LDLRAD3: variants seen among roughly 807,000 people sequenced by gnomAD.
The protein encoded by LDLRAD3 is low density lipoprotein receptor class A domain containing 3, also known as low-density lipoprotein receptor class A domain-containing protein 3.
In LDLRAD3, 20 loss-of-function variants were observed where a neutral mutation model predicts 29.4. The observed-to-expected ratio is 0.68, with a 90% CI of 0.48 to 0.99. The LOEUF is 0.99. Ranked by LOEUF, LDLRAD3 falls within the 50% of genes least tolerant of loss-of-function variation. LDLRAD3 has a pLI of 0.00. For missense variants in LDLRAD3, 420 were observed against 454.3 expected, an observed-to-expected ratio of 0.92 and a Z score of 0.69; for synonymous variants, 157 against 192.7, an observed-to-expected ratio of 0.81 and a Z score of 1.53.
chr11:35,975,326 T>C (rs1401675702), intron 1 of LDLRAD3, among the ~76,000 whole-genome samples: 2 of 152,324 alleles, frequency 1.3e-5, no homozygotes, highest in Non-Finnish European at 2.9e-5. Context: ...AACTTGAAGA[T>C]GTTGTCCTAG....
chr11:36,074,807 G>T (rs541441654), intron 2 of LDLRAD3, among the ~76,000 whole-genome samples: 1 of 152,330 alleles, frequency 6.6e-6, no homozygotes, highest in East Asian at 1.9e-4. Context: ...TGGCTGGAGA[G>T]CTGGCAGAGG....
At chr11:35,997,367 A>G in intron 1 of LDLRAD3, 2 of 462,130 alleles carry the variant, frequency 4.3e-6, no homozygotes, top group South Asian at 1.7e-5. Flanking sequence ...ATCAAAAGTG[A>G]TATTTCCATT....
chr11:36,169,969 C>T (rs1010048917), intron 4 of LDLRAD3, among the ~76,000 whole-genome samples: 2 of 151,986 alleles, frequency 1.3e-5, no homozygotes, highest in African/African-American at 2.4e-5. Context: ...ACCTATCACC[C>T]GAGCAATGTA....
At chr11:36,060,353 CAAAAAA>C (rs60557347) in intron 2 of LDLRAD3, among the ~76,000 whole-genome samples, 1 of 73,554 alleles carries the variant, frequency 1.4e-5, no homozygotes, top group Non-Finnish European at 2.8e-5. Context: ...GACTCTGTCT[CAAAAAA>C]AAAAAAAAAA....
rs536775919 is a variant in LDLRAD3, at chr11:36,110,621, G to C, written c.454+12160G>C. Among the ~76,000 whole-genome samples, 119 of 152,242 alleles carry C rather than the reference G, an allele frequency of 7.8e-4. 1 individual carries two copies. The highest frequency in any genetic ancestry group is 2.8e-3 in the African/African-American group (116 of 41,540). ...ACCCCCAACACCCTTTGACTCTCTT[G>C]GGTCTTTCTAACATTCGTTCATGCA... On this transcript the variant is annotated intron_variant, in intron 4 of 5. Coordinates refer to ENST00000315571, the MANE Select transcript of LDLRAD3 (RefSeq NM_174902.4).
At chr11:35,973,308 C>G (rs1229288860) in intron 1 of LDLRAD3, among the ~76,000 whole-genome samples, 1 of 152,144 alleles carries the variant, frequency 6.6e-6, no homozygotes, top group East Asian at 1.9e-4. Flanking sequence ...TTATTTCACT[C>G]TAAGCTCCTA....
intron 4 of LDLRAD3, among the ~76,000 whole-genome samples, chr11:36,215,747 G>C (rs1193332195): frequency 6.6e-6 from 1 of 152,144 alleles, no homozygotes; most frequent in African/African-American, 2.4e-5. Flanking sequence ...CCCCTTGGGA[G>C]CCCTGCTTAC....
chr11:36,190,881 A>G (rs986102247), intron 4 of LDLRAD3, among the ~76,000 whole-genome samples: 10 of 152,340 alleles, frequency 6.6e-5, no homozygotes, highest in African/African-American at 2.2e-4. Flanking sequence ...AGGTTCAAGA[A>G]TCAAAATGGT....
chr11:35,949,360 C>T (rs1217968424), intron 1 of LDLRAD3, among the ~76,000 whole-genome samples: 2 of 152,154 alleles, frequency 1.3e-5, no homozygotes, highest in African/African-American at 2.4e-5. Context: ...TTCAGCAGCC[C>T]TGAGGGAGGG....
intron 1 of LDLRAD3, among the ~76,000 whole-genome samples, chr11:35,947,885 A>G (rs1851078788): frequency 6.6e-6 from 1 of 152,166 alleles, no homozygotes; most frequent in Admixed American, 6.5e-5. Flanking sequence ...CCCCCTCCCC[A>G]AATCTGTTCA....
chr11:36,026,152 C>T (rs1243689628), intron 1 of LDLRAD3, among the ~76,000 whole-genome samples: 3 of 152,088 alleles, frequency 2.0e-5, no homozygotes. Context: ...ATTTTTTAAA[C>T]AGGATGTAGG....
intron 4 of LDLRAD3, among the ~76,000 whole-genome samples, chr11:36,134,977 C>G (rs908317070): frequency 6.6e-6 from 1 of 152,104 alleles, no homozygotes; most frequent in African/African-American, 2.4e-5. Context: ...ACTCTTATGT[C>G]CCCAGTTCTC....
At chr11:36,010,425 A>G (rs1258794507) in intron 1 of LDLRAD3, among the ~76,000 whole-genome samples, 1 of 152,162 alleles carries the variant, frequency 6.6e-6, no homozygotes, top group East Asian at 1.9e-4. Flanking sequence ...TTGATTCCCA[A>G]ATGGATGCCT....
At chr11:36,124,360 G>A (rs1853804742) in intron 4 of LDLRAD3, among the ~76,000 whole-genome samples, 1 of 152,186 alleles carries the variant, frequency 6.6e-6, no homozygotes, top group African/African-American at 2.4e-5. Flanking sequence ...CACTAGCATA[G>A]GTAGCATTTG....
intron 1 of LDLRAD3, among the ~76,000 whole-genome samples, chr11:35,982,057 G>A (rs1415590895): frequency 6.6e-6 from 1 of 152,120 alleles, no homozygotes; most frequent in Admixed American, 6.5e-5. Context: ...TCAGGAACAG[G>A]CACTATATTA....
chr11:36,093,426 G>C (rs1032956962), intron 3 of LDLRAD3, among the ~76,000 whole-genome samples: 1 of 152,066 alleles, frequency 6.6e-6, no homozygotes, highest in East Asian at 1.9e-4. Context: ...TTCCCATTAA[G>C]GTTTTTTTTT....
chr11:36,072,453 G>A (rs758110800), intron 2 of LDLRAD3, among the ~76,000 whole-genome samples: 16 of 152,332 alleles, frequency 1.1e-4, no homozygotes, highest in Non-Finnish European at 2.1e-4. Context: ...CAGATTGGGA[G>A]CTACAGGCAT....
chr11:36,051,290 A>G lies in LDLRAD3; in HGVS notation c.193+15041A>G, dbSNP rs540155861. Among the ~76,000 whole-genome samples, 6 of 152,328 alleles carry G rather than the reference A, an allele frequency of 3.9e-5. No individual in the cohort carries two copies. In the East Asian group the frequency reaches 1.2e-3, roughly 29 times the overall value. ...TGGTGGGTCAGTCAGGCAGGGCCACATAAGCCAAGGGAAGGAAGTAGCCAT... is the reference window on the plus strand; with the variant it reads ...TGGTGGGTCAGTCAGGCAGGGCCACGTAAGCCAAGGGAAGGAAGTAGCCAT... On this transcript the variant is annotated intron_variant, in intron 2 of 5. Coordinates refer to ENST00000315571, the MANE Select transcript of LDLRAD3 (RefSeq NM_174902.4).
intron 4 of LDLRAD3, among the ~76,000 whole-genome samples, chr11:36,120,023 G>A (rs548334484): frequency 5.9e-5 from 9 of 152,130 alleles, no homozygotes; most frequent in Non-Finnish European, 1.2e-4. Flanking sequence ...TGGGAGTTAC[G>A]CATCATTCTT....
Sources: gnomAD v4.1 joint callset for allele counts (sites outside exome capture counted in the v4.1 genomes callset) on GRCh38, gnomAD v4.1.1 for gene constraint, MANE v1.5 for transcripts, NCBI Gene and HGNC (gene_info 2026-07-23, HGNC 2026-07-21) for gene names.